KLHL18: variants seen among roughly 807,000 people sequenced by gnomAD.
KLHL18 encodes the protein kelch-like protein 18.
KLHL18 carries 38 observed loss-of-function variants against 58.5 expected under a neutral mutation model. The observed-to-expected ratio is 0.65, with a 90% confidence interval of 0.50 to 0.85. The LOEUF is 0.85. Among genes scored for constraint, KLHL18 ranks in the 40% least tolerant of loss-of-function variants. The probability of loss-of-function intolerance (pLI) is 0.00; values close to 1 mark genes in which losing one functional copy is unlikely to be tolerated. For synonymous variants in KLHL18, 303 were observed against 301.9 expected, an observed-to-expected ratio of 1.00 and a Z score of -0.04; for missense variants, 624 against 778.4, an observed-to-expected ratio of 0.80 and a Z score of 2.36.
At chr3:47,321,803 C>T (rs1703596285) in intron 2 of KLHL18, among the ~76,000 whole-genome samples, 1 of 152,152 alleles carries the variant, frequency 6.6e-6, no homozygotes, top group Admixed American at 6.5e-5. Context: ...AGGCACCTGT[C>T]ATGGGGTGGC....
intron 1 of KLHL18, among the ~76,000 whole-genome samples, chr3:47,290,077 G>A (rs1251412133): frequency 6.6e-6 from 1 of 152,154 alleles, no homozygotes; most frequent in Admixed American, 6.5e-5. Flanking sequence ...AGCTATTAAG[G>A]GATTTGCCCA....
chr3:47,339,133 C>T (rs1704049795), intron 7 of KLHL18, among the ~76,000 whole-genome samples: 1 of 152,180 alleles, frequency 6.6e-6, no homozygotes, highest in Non-Finnish European at 1.5e-5. Context: ...CCTCCCCAAG[C>T]TATGGCTGCC....
chr3:47,307,224 A>G (rs1342090440), intron 1 of KLHL18, among the ~76,000 whole-genome samples: 3 of 152,060 alleles, frequency 2.0e-5, no homozygotes, highest in African/African-American at 7.3e-5. Context: ...GGTGCATGCC[A>G]CCACACGTGG....
intron 6 of KLHL18, 41 bp from the exon 7 acceptor site, chr3:47,336,494 G>A (rs770243209): frequency 1.3e-6 from 2 of 1,546,352 alleles, no homozygotes; most frequent in Non-Finnish European, 1.8e-6. Flanking sequence ...CTAAACAAGT[G>A]GTCTCATTTG....
chr3:47,313,992 A>C (rs1703366009), intron 1 of KLHL18, among the ~76,000 whole-genome samples: 1 of 152,224 alleles, frequency 6.6e-6, no homozygotes, highest in South Asian at 2.1e-4. Context: ...TGGCATACAA[A>C]AGGAGCTCAA....
intron 1 of KLHL18, among the ~76,000 whole-genome samples, chr3:47,317,174 A>G (rs980365188): frequency 2.0e-5 from 3 of 152,106 alleles, no homozygotes; most frequent in African/African-American, 7.2e-5. Context: ...GTGCAGTGGT[A>G]CGGTGTCTGC....
At chr3:47,336,795 TGAGCACCTGGG>T (rs763631695) in intron 7 of KLHL18, 38 bp downstream of exon 7, 1 of 1,517,458 alleles carries the variant, frequency 6.6e-7, no homozygotes, top group Non-Finnish European at 9.2e-7. Flanking sequence ...ACATACACAC[TGAGCACCTGGG>T]GAGCGCCATG....
intron 1 of KLHL18, among the ~76,000 whole-genome samples, chr3:47,307,106 C>G (rs1184928549): frequency 6.6e-6 from 1 of 151,708 alleles, no homozygotes; most frequent in Non-Finnish European, 1.5e-5. Flanking sequence ...GAGTCTTGCT[C>G]CGTCACCCAG....
rs763461118 is a variant in KLHL18, at chr3:47,300,393, A to ATG, written c.129+17315_129+17316dup. On this transcript the variant is annotated intron_variant, in intron 1 of 9. Transcript: ENST00000232766. ...TATATGTGTGTATATATATGTGTATATGTGTGTGTGTGTGTGTATATATAT... is the reference window on the plus strand; with the variant it reads ...TATATGTGTGTATATATATGTGTATATGTGTGTGTGTGTGTGTGTATATATAT... 1.5e-3 allele frequency among the ~76,000 whole-genome samples: 68 copies of ATG among 44,934 alleles called. 1 individual carries two copies. Among genetic ancestry groups the ATG allele is most frequent in the South Asian group, 7.8e-3 (6 of 768 alleles). The allele number at this position is 44,934 out of a possible 152,430, so 29.5% of individuals were successfully genotyped here.
chr3:47,283,188 A>T, intron 1 of KLHL18, 94 bp downstream of exon 1: 193 of 368,550 alleles, frequency 5.2e-4, no homozygotes, highest in East Asian at 1.4e-3. Context: ...TCTAGCAGGG[A>T]GAGGGGTGGG....
intron 4 of KLHL18, among the ~76,000 whole-genome samples, chr3:47,332,865 C>CAGGG (rs1472960470): frequency 6.6e-6 from 1 of 151,990 alleles, no homozygotes; most frequent in African/African-American, 2.4e-5. Flanking sequence ...TTAGAGGGAG[C>CAGGG]AGGGGTACAG....
chr3:47,343,730 G>T lies in KLHL18; in HGVS notation c.1514G>T (p.Cys505Phe). 1 of 1,614,196 alleles carries T rather than the reference G, an allele frequency of 6.2e-7. No homozygotes were observed. The highest frequency in any genetic ancestry group is 8.5e-7 in the Non-Finnish European group (1 of 1,180,050). The change falls in exon 10 of 10, where the codon TGC becomes TTC. Residue 505 changes from cysteine to phenylalanine, a missense_variant. By Grantham distance (205) the Cys-to-Phe change is radical. Coordinates refer to ENST00000232766, the MANE Select transcript of KLHL18 (RefSeq NM_025010.5). Reference sequence around the variant, plus strand: ...TACAGCTCTGTGGCAGACCAGTGGTGCCTGATTGTCCCCATGCACACGCGC... The same window carrying T: ...TACAGCTCTGTGGCAGACCAGTGGTTCCTGATTGTCCCCATGCACACGCGC... ...EMYSSVADQWCLIVPMHTRRS... is the reference protein window; with the variant it reads ...EMYSSVADQWFLIVPMHTRRS...
Position 47,283,092 on chromosome 3 carries a change from A to C in KLHL18, c.127A>C (p.Lys43Gln). ...RQGKLCDVTLKIGDHKFSAHR... is the reference protein window; with the variant it reads ...RQGKLCDVTLQIGDHKFSAHR... ...GGGCAAGCTGTGCGACGTGACCCTCAAGGTACCGCGGACTGGGCGGCAGCG... is the reference window on the plus strand; with the variant it reads ...GGGCAAGCTGTGCGACGTGACCCTCCAGGTACCGCGGACTGGGCGGCAGCG... Residue 43 changes from lysine to glutamine, a missense_variant and splice_region_variant, in exon 1 of 10, where the codon AAG becomes CAG. Coordinates refer to ENST00000232766, the MANE Select transcript of KLHL18 (RefSeq NM_025010.5). The C allele has an allele frequency of 6.3e-7, 1 of 1,577,146 alleles. No homozygotes were observed.
At chr3:47,326,135 A>G (rs1017457973) in intron 3 of KLHL18, among the ~76,000 whole-genome samples, 4 of 151,948 alleles carry the variant, frequency 2.6e-5, no homozygotes, top group Non-Finnish European at 2.9e-5. Context: ...TTTAGTAGAG[A>G]TGGGGTTTCA....
At position 47,282,969 on chromosome 3, in the gene KLHL18, G is replaced by A; in HGVS notation, c.4G>A (p.Val2Met). ...GCAGTTGCAGCGGCCGGGGAAGATG[G>A]TGGAGGACGGCGCGGAGGAGCTGGA... is the stretch of plus-strand genomic sequence containing the variant. Reference protein sequence around the residue: MVEDGAEELEDL... With the variant: MMEDGAEELEDL... The change falls in exon 1 of 10, where the codon GTG (valine) becomes ATG (methionine). Residue 2 changes from valine to methionine, a missense_variant. By Grantham distance (21) the Val-to-Met change is conservative. Transcript: ENST00000232766. The A allele has an allele frequency of 6.2e-7, 1 of 1,610,376 alleles. No homozygotes were observed. Among genetic ancestry groups the A allele is most frequent in the Non-Finnish European group, 8.5e-7 (1 of 1,178,702 alleles).
In KLHL18 at chr3:47,344,139, C is replaced by T. The variant is rs1704175526; in HGVS notation, c.*198C>T. ...CCTTCAGGCTTGGGTCATCAAGATGCACAGCATGGAACACAAGCTCCTCTG... is the reference window on the plus strand; with the variant it reads ...CCTTCAGGCTTGGGTCATCAAGATGTACAGCATGGAACACAAGCTCCTCTG... On this transcript the variant is annotated 3_prime_UTR_variant, in exon 10 of 10. Coordinates refer to ENST00000232766, the MANE Select transcript of KLHL18 (RefSeq NM_025010.5). The T allele has an allele frequency of 6.4e-6, 4 of 622,960 alleles. No homozygotes were observed. The highest frequency in any genetic ancestry group is 6.1e-5 in the Admixed American group (2 of 32,784). The allele number at this position is 622,960 out of a possible 1,614,324, so 38.6% of individuals were successfully genotyped here. A position where few individuals can be genotyped will look rare whatever the true frequency, so the allele number is the denominator to read the frequency against.
chr3:47,316,544 TATAC>T (rs1297416564), intron 1 of KLHL18, among the ~76,000 whole-genome samples: 3 of 12,088 alleles, frequency 2.5e-4, no homozygotes, highest in Admixed American at 1.5e-3. Flanking sequence ...TATATACATA[TATAC>T]ATATATACAT....
chr3:47,337,465 A>G (rs1704010786), intron 7 of KLHL18: 1 of 153,044 alleles, frequency 6.5e-6, no homozygotes, highest in Non-Finnish European at 1.5e-5. Flanking sequence ...ATGTTTCATT[A>G]TGTCAGACAC....
chr3:47,335,665 G>A (rs1163233592), intron 6 of KLHL18, among the ~76,000 whole-genome samples: 2 of 151,996 alleles, frequency 1.3e-5, no homozygotes, highest in Admixed American at 1.3e-4. Context: ...ATGCTACCAC[G>A]CCCAGCTAAT....
Sources: gnomAD v4.1 joint callset for allele counts (sites outside exome capture counted in the v4.1 genomes callset) on GRCh38, gnomAD v4.1.1 for gene constraint, MANE v1.5 for transcripts, NCBI Gene and HGNC (gene_info 2026-07-23, HGNC 2026-07-21) for gene names.